The following MS4A12 variants were observed in gnomAD, a reference collection of about 807,000 sequenced individuals.
MS4A12 encodes the protein membrane-spanning 4-domains subfamily A member 12.
Under a neutral mutation model 23.7 loss-of-function variants are expected in MS4A12, and 28 were observed. The ratio of observed to expected loss-of-function variants is 1.18; its 90% CI spans 0.88 to 1.62. The LOEUF (loss-of-function observed/expected upper bound fraction) is 1.62. Among genes scored for constraint, MS4A12 ranks in the 40% most tolerant of loss-of-function variants. MS4A12 has a pLI of 0.00. For missense variants in MS4A12, 342 were observed against 327.0 expected, an observed-to-expected ratio of 1.05 and a Z score of -0.35; for synonymous variants, 108 against 110.1, an observed-to-expected ratio of 0.98 and a Z score of 0.12.
In MS4A12 at chr11:60,503,826, C is replaced by T. The variant is rs371494653; in HGVS notation, c.588+9C>T. Reference sequence around the variant, plus strand: ...AAGACTACTGGGCCGTGGTAAGTATCCCATACTCCACCATGTGCCTGCTCT... The same window carrying T: ...AAGACTACTGGGCCGTGGTAAGTATTCCATACTCCACCATGTGCCTGCTCT... On this transcript the variant is annotated intron_variant, in intron 5 of 6. Coordinates refer to ENST00000016913, the MANE Select transcript of MS4A12 (RefSeq NM_017716.3). 2.5e-6 allele frequency: 4 copies of T among 1,603,066 alleles called. No homozygotes were observed. In the African/African-American group the frequency reaches 5.4e-5, roughly 22 times the overall value.
rs578137044 is a variant in MS4A12 at position 60,496,042 on chromosome 11, G to A, written c.-6-1271G>A. ...CCTAACTCTGCCACATGTTTTCTGT[G>A]TAACCTTGAGCATGTCACTTAACGA... On this transcript the variant is annotated intron_variant, in intron 1 of 6. Coordinates refer to ENST00000016913, the MANE Select transcript of MS4A12 (RefSeq NM_017716.3). 3.3e-5 allele frequency among the ~76,000 whole-genome samples: 5 copies of A among 152,286 alleles called. No individual in the cohort carries two copies. The South Asian group carries it at 1.0e-3, about 32-fold the overall frequency.
At chr11:60,497,973 GC>G (rs1442319099) in intron 2 of MS4A12, 2 of 178,380 alleles carry the variant, frequency 1.1e-5, no homozygotes, top group African/African-American at 4.8e-5. Flanking sequence ...AATGATGGCT[GC>G]CCCCAGAAAA....
intron 5 of MS4A12, among the ~76,000 whole-genome samples, chr11:60,506,005 T>A (rs973970419): frequency 6.6e-6 from 1 of 152,160 alleles, no homozygotes; most frequent in Non-Finnish European, 1.5e-5. Flanking sequence ...AGCTAAGCTA[T>A]CTCTCTCCCT....
intron 4 of MS4A12, 62 bp from the exon 5 acceptor site, chr11:60,503,638 TC>T (rs1390065564): frequency 8.6e-6 from 11 of 1,280,664 alleles, no homozygotes; most frequent in African/African-American, 3.0e-5. Flanking sequence ...TTTGATTGAT[TC>T]TTATCTCACT....
At chr11:60,500,619 A>C (rs905571755) in intron 2 of MS4A12, among the ~76,000 whole-genome samples, 7 of 152,222 alleles carry the variant, frequency 4.6e-5, no homozygotes, top group African/African-American at 1.7e-4. Context: ...TGCCTAATAA[A>C]TGGTTTTATC....
In MS4A12 at chr11:60,506,735, G is replaced by A. The variant is rs1452098521; in HGVS notation, c.596G>A (p.Gly199Glu). 3 of 1,613,794 alleles carry A rather than the reference G, an allele frequency of 1.9e-6. No individual in the cohort carries two copies. The highest frequency in any genetic ancestry group is 2.2e-5 in the East Asian group (1 of 44,898). ...ATTTATTTATGATTTCAGCTTTCTGGAAAAGGCATTTCAGCCACGCTGATG... is the reference window on the plus strand; with the variant it reads ...ATTTATTTATGATTTCAGCTTTCTGAAAAAGGCATTTCAGCCACGCTGATG... ...AGQDYWAVLS[G>E]KGISATLMIF... Residue 199 changes from glycine (G) to glutamate (E), a missense_variant, in exon 6 of 7, where the codon GGA (glycine) becomes GAA (glutamate). By Grantham distance (98) the Gly-to-Glu change is moderately conservative. Transcript: ENST00000016913.
chr11:60,502,918 T>G (rs557511256), intron 4 of MS4A12, among the ~76,000 whole-genome samples: 45 of 152,314 alleles, frequency 3.0e-4, no homozygotes, highest in African/African-American at 1.1e-3. Flanking sequence ...TGTCGAAGCA[T>G]AGATTCCACC....
chr11:60,499,563 T>C (rs1425257040), intron 2 of MS4A12, among the ~76,000 whole-genome samples: 1 of 152,222 alleles, frequency 6.6e-6, no homozygotes, highest in Non-Finnish European at 1.5e-5. Context: ...AAGTATGGTA[T>C]GTGTGTGTAT....
intron 5 of MS4A12, among the ~76,000 whole-genome samples, chr11:60,506,447 TA>T (rs1057242552): frequency 2.6e-5 from 4 of 151,924 alleles, no homozygotes; most frequent in South Asian, 2.1e-4. Flanking sequence ...ACATTTGTAT[TA>T]AAAAAAACAA....
chr11:60,496,300 G>T (rs1008408395), intron 1 of MS4A12, among the ~76,000 whole-genome samples: 4 of 152,074 alleles, frequency 2.6e-5, no homozygotes, highest in African/African-American at 9.7e-5. Context: ...CAAGAAAATT[G>T]TTGTGCTTTT....
chr11:60,493,292 C>T (rs1198649989), intron 1 of MS4A12, among the ~76,000 whole-genome samples: 1 of 150,936 alleles, frequency 6.6e-6, no homozygotes, highest in Non-Finnish European at 1.5e-5. Flanking sequence ...AGGAGAATCA[C>T]GTGAACTCGG....
rs141805738 is a variant in MS4A12 at position 60,497,142 on chromosome 11, G to A, written c.-6-171G>A. 4.1e-3 allele frequency among the ~76,000 whole-genome samples: 621 copies of A among 152,330 alleles called. 7 individuals carry two copies. The highest frequency in any genetic ancestry group is 0.014 in the African/African-American group (580 of 41,564). On this transcript the variant is annotated intron_variant, in intron 1 of 6. Coordinates refer to ENST00000016913, the MANE Select transcript of MS4A12 (RefSeq NM_017716.3). The stretch of plus-strand genomic sequence containing the variant: ...CCACAGACAGGTACCAGTCCTTGGC[G>A]TGGGGGTTGGGGACTTATGAGAATC...
intron 1 of MS4A12, among the ~76,000 whole-genome samples, chr11:60,495,184 A>G (rs1405002855): frequency 2.8e-5 from 4 of 143,016 alleles, no homozygotes; most frequent in Admixed American, 1.4e-4. Context: ...TTGTATTTTT[A>G]GTAGAGACGG....
chr11:60,497,357 TG>T lies in MS4A12; in HGVS notation c.40del (p.Glu14LysfsTer26). 1 of 1,614,110 alleles carries T rather than the reference TG, an allele frequency of 6.2e-7. No individual in the cohort carries two copies. The highest frequency in any genetic ancestry group is 8.5e-7 in the Non-Finnish European group (1 of 1,180,012). Reference protein sequence around the residue: ...SKPTSHAEVNETIPNPYPPSS... With the variant: ...SKPTSHAEVNXTIPNPYPPSS... ...AGCCAACAAGCCATGCTGAAGTAAA[TG>T]AAACCATACCCAACCCTTACCCACC... is the stretch of plus-strand genomic sequence containing the variant. On this transcript the variant is annotated frameshift_variant, in exon 2 of 7. Transcript: ENST00000016913. LOFTEE classifies it high-confidence loss of function.
chr11:60,506,268 CT>C (rs1264063548), intron 5 of MS4A12, among the ~76,000 whole-genome samples: 2 of 152,182 alleles, frequency 1.3e-5, no homozygotes, highest in Non-Finnish European at 2.9e-5. Flanking sequence ...TGGTTATTCT[CT>C]TTTTTCCCTC....
Position 60,502,032 on chromosome 11 carries a change from G to T in MS4A12, c.464G>T (p.Arg155Leu). 3 of 1,611,616 alleles carry T rather than the reference G, an allele frequency of 1.9e-6. No individual in the cohort carries two copies. Among genetic ancestry groups the T allele is most frequent in the Non-Finnish European group, 2.5e-6 (3 of 1,177,846 alleles). Reference protein sequence around the residue: ...LSVSASKELSRCLVKGSLGMN... With the variant: ...LSVSASKELSLCLVKGSLGMN... ...GTGTCAGCATCCAAGGAGCTTTCCC[G>T]TTGTCTGGTAAGTTAGACTGTCTCT... Residue 155 changes from arginine (R) to leucine (L), a missense_variant, in exon 4 of 7, where the codon CGT (arginine) becomes CTT (leucine). Physicochemically the swap from Arg to Leu is moderately radical, Grantham distance 102 (BLOSUM62 -2). Transcript: ENST00000016913.
At chr11:60,503,942 C>A in intron 5 of MS4A12, 125 bp downstream of exon 5, 1 of 759,610 alleles carries the variant, frequency 1.3e-6, no homozygotes, top group Non-Finnish European at 2.1e-6. Flanking sequence ...CTAGCCCCAC[C>A]CCTAGTCATA....
rs1255612452 is a variant in MS4A12 at position 60,498,897 on chromosome 11, G to A, written c.276+1303G>A. On this transcript the variant is annotated intron_variant, in intron 2 of 6. Transcript: ENST00000016913. ...CTTTGAGGTATTTGAAGAACCGGGA[G>A]GAGGCCAATAAAATAGAACAGAATG... Among the ~76,000 whole-genome samples the A allele has an allele frequency of 2.0e-5, 3 of 152,256 alleles. No homozygotes were observed. In the East Asian group the frequency reaches 5.8e-4, roughly 29 times the overall value.
chr11:60,506,678 G>C (rs752914268), intron 5 of MS4A12, 50 bp from the exon 6 acceptor site: 2 of 1,472,528 alleles, frequency 1.4e-6, no homozygotes, highest in African/African-American at 2.8e-5. Context: ...TGAAGCCCAC[G>C]TGAGGCCCTC....
Sources: allele counts gnomAD v4.1 joint callset (sites outside exome capture counted in the v4.1 genomes callset), GRCh38; gene constraint gnomAD v4.1.1; transcripts MANE v1.5; gene names NCBI Gene and HGNC (gene_info 2026-07-23, HGNC 2026-07-21).